The following PRKN variants were observed in gnomAD, a reference collection of about 807,000 sequenced individuals.
The protein encoded by PRKN is parkin RBR E3 ubiquitin protein ligase.
Under a neutral mutation model 59.5 loss-of-function variants are expected in PRKN, and 56 were observed. The ratio of observed to expected loss-of-function variants is 0.94; its 90% CI spans 0.76 to 1.18. PRKN has a LOEUF of 1.18. Among genes scored for constraint, PRKN ranks in the 50% most tolerant of loss-of-function variants. PRKN has a pLI of 0.00. For missense variants in PRKN, 657 were observed against 596.4 expected (o/e 1.10, Z -1.06); for synonymous variants, 250 against 222.1 (o/e 1.13, Z -1.12).
At chr6:161,781,970 G>A (rs1288948463) in intron 7 of PRKN, among the ~76,000 whole-genome samples, 2 of 152,190 alleles carry the variant, frequency 1.3e-5, no homozygotes, top group African/African-American at 4.8e-5. Flanking sequence ...AATTGCTGAT[G>A]GGCATGGAAA....
intron 2 of PRKN, among the ~76,000 whole-genome samples, chr6:162,435,920 A>G (rs775506342): frequency 5.3e-5 from 8 of 152,142 alleles, no homozygotes; most frequent in Non-Finnish European, 8.8e-5. Context: ...TCTTTTATAT[A>G]CAAACAAAAA....
chr6:161,804,731 C>T (rs114529934), intron 6 of PRKN, among the ~76,000 whole-genome samples: 4,629 of 152,318 alleles, frequency 0.03, 224 homozygotes, highest in African/African-American at 0.1. Context: ...AGTTCTGCAA[C>T]AATAATAACC....
intron 1 of PRKN, among the ~76,000 whole-genome samples, chr6:162,491,416 G>A (rs944418137): frequency 6.6e-6 from 1 of 152,164 alleles, no homozygotes; most frequent in African/African-American, 2.4e-5. Context: ...GGTCTCCAGG[G>A]CCCAGACAGA....
chr6:161,440,397 A>G lies in PRKN; in HGVS notation c.1084-53520T>C, dbSNP rs1371931457. On this transcript the variant is annotated intron_variant, in intron 9 of 11. Coordinates refer to ENST00000366898, the MANE Select transcript of PRKN (RefSeq NM_004562.3). The surrounding 1 kb of genome is among the most constrained non-coding windows in gnomAD (Gnocchi z 4.1). Reference sequence around the variant, plus strand: ...CTCTGCTAAACATCCTACAATGCAAAGAACAGTCCCCCTGACAAAGGATTA... The same window carrying G: ...CTCTGCTAAACATCCTACAATGCAAGGAACAGTCCCCCTGACAAAGGATTA... Among the ~76,000 whole-genome samples the G allele has an allele frequency of 6.6e-6, 1 of 152,206 alleles. No homozygotes were observed. Among genetic ancestry groups the G allele is most frequent in the East Asian group, 1.9e-4 (1 of 5,190 alleles).
In PRKN at chr6:161,431,125, C is replaced by T. The variant is rs545746266; in HGVS notation, c.1084-44248G>A. On this transcript the variant is annotated intron_variant, in intron 9 of 11. Coordinates refer to ENST00000366898, the MANE Select transcript of PRKN (RefSeq NM_004562.3). ...CTGCACTTCAGCCTGGGCAACAGAG[C>T]GAGACTCTGTCTCAAAAAAAAAAAA... Among the ~76,000 whole-genome samples the T allele has an allele frequency of 8.2e-5, 10 of 122,238 alleles. No individual in the cohort carries two copies. The South Asian group carries it at 1.8e-3, about 22-fold the overall frequency. The allele number at this position is 122,238 out of a possible 152,430, so 80.2% of individuals were successfully genotyped here. A position where few individuals can be genotyped will look rare whatever the true frequency, so the allele number is the denominator to read the frequency against.
chr6:162,301,707 T>C (rs889756384), intron 2 of PRKN, among the ~76,000 whole-genome samples: 1 of 145,292 alleles, frequency 6.9e-6, no homozygotes, highest in African/African-American at 2.5e-5. Context: ...TTAACATGAA[T>C]TGCCTTGGTA....
Position 162,158,080 on chromosome 6 carries a change from C to T in PRKN, c.534+43051G>A, listed in dbSNP as rs893526607. 7.2e-5 allele frequency among the ~76,000 whole-genome samples: 11 copies of T among 151,780 alleles called. 1 individual carries two copies. Among genetic ancestry groups the T allele is most frequent in the African/African-American group, 1.5e-4 (6 of 41,254 alleles). ...GAAATAGAGTATAATTGTCAGGGTG[C>T]GATAAGTTTTTGGCATATTTTCTAT... On this transcript the variant is annotated intron_variant, in intron 4 of 11. Transcript: ENST00000366898.
In PRKN at chr6:161,903,802, C is replaced by CT. The variant is rs78528519; in HGVS notation, c.734+69499dup. On this transcript the variant is annotated intron_variant, in intron 6 of 11. Transcript: ENST00000366898. Reference sequence around the variant, plus strand: ...CAGAGAACTTTCTTTTTTTCTTTTTCTTTTTTTTTTTTTAATGGTCCCTTT... The same window carrying CT: ...CAGAGAACTTTCTTTTTTTCTTTTTCTTTTTTTTTTTTTTAATGGTCCCTTT... Among the ~76,000 whole-genome samples, 543 of 143,122 alleles carry CT rather than the reference C, an allele frequency of 3.8e-3. 3 individuals carry two copies. Among genetic ancestry groups the CT allele is most frequent in the African/African-American group, 0.011 (442 of 38,588 alleles). 93.9% of individuals were successfully genotyped at this position (143,122 alleles called of 152,430 possible). A position where few individuals can be genotyped will look rare whatever the true frequency, so the allele number is the denominator to read the frequency against.
chr6:162,018,881 C>T (rs1184588226), intron 5 of PRKN, among the ~76,000 whole-genome samples: 1 of 152,102 alleles, frequency 6.6e-6, no homozygotes, highest in Non-Finnish European at 1.5e-5. Flanking sequence ...CTACACTTAG[C>T]AAGTCACCTG....
intron 7 of PRKN, among the ~76,000 whole-genome samples, chr6:161,680,726 C>CATACATATAT (rs1785285558): frequency 2.5e-4 from 13 of 51,018 alleles, no homozygotes; most frequent in Admixed American, 2.0e-3. Context: ...TCCTGAAATA[C>CATACATATAT]ATATATATAT....
intron 2 of PRKN, among the ~76,000 whole-genome samples, chr6:162,293,218 C>A (rs942579922): frequency 6.6e-6 from 1 of 152,184 alleles, no homozygotes; most frequent in Non-Finnish European, 1.5e-5. Context: ...GACTTCCCTT[C>A]TTCAGGCAGA....
chr6:161,991,768 A>T (rs1781657303), intron 5 of PRKN, among the ~76,000 whole-genome samples: 1 of 151,890 alleles, frequency 6.6e-6, no homozygotes, highest in Non-Finnish European at 1.5e-5. Context: ...GCTTGAACCC[A>T]GGAGGTGGAG....
At chr6:161,670,388 C>T (rs912722861) in intron 7 of PRKN, among the ~76,000 whole-genome samples, 1 of 152,162 alleles carries the variant, frequency 6.6e-6, no homozygotes, top group African/African-American at 2.4e-5. Context: ...TCTGTTCCAC[C>T]TTCTCTTGTG....
intron 7 of PRKN, among the ~76,000 whole-genome samples, chr6:161,631,049 C>T (rs899945527): frequency 3.3e-5 from 5 of 152,216 alleles, no homozygotes; most frequent in Admixed American, 6.5e-5. Context: ...CTCCTGCTAC[C>T]CTCTTGGAAC....
chr6:161,981,950 C>A (rs542837385), intron 5 of PRKN, among the ~76,000 whole-genome samples: 16 of 152,282 alleles, frequency 1.1e-4, no homozygotes, highest in Non-Finnish European at 1.6e-4. Context: ...AATCAATATA[C>A]TCCACACAAA....
intron 6 of PRKN, among the ~76,000 whole-genome samples, chr6:161,812,148 A>C (rs910179358): frequency 2.0e-5 from 3 of 152,072 alleles, no homozygotes; most frequent in Non-Finnish European, 4.4e-5. Context: ...GTGCTTTGGG[A>C]AGCTGAGACG....
rs1790149096 is a variant in PRKN at position 161,460,398 on chromosome 6, G to T, written c.1084-73521C>A. ...AGTCTCAGGCCCAAATATCCATTTA[G>T]GATCTCTGGAATATAATGGGCTATA... On this transcript the variant is annotated intron_variant, in intron 9 of 11. Coordinates refer to ENST00000366898, the MANE Select transcript of PRKN (RefSeq NM_004562.3). This position sits in a 1 kb window ranked among gnomAD's most constrained non-coding sequence, Gnocchi z 5.0. 6.6e-6 allele frequency among the ~76,000 whole-genome samples: 1 copy of T among 152,104 alleles called. No homozygotes were observed. Among genetic ancestry groups the T allele is most frequent in the Non-Finnish European group, 1.5e-5 (1 of 68,026 alleles).
intron 4 of PRKN, among the ~76,000 whole-genome samples, chr6:162,086,337 A>G (rs1779246075): frequency 1.3e-5 from 2 of 152,112 alleles, no homozygotes; most frequent in African/African-American, 4.8e-5. Context: ...AGCAAAGAAG[A>G]CTAGGAATAT....
At position 161,660,930 on chromosome 6, in the gene PRKN, C is replaced by A. The variant is rs556791915; in HGVS notation, c.872-91514G>T. 4.6e-5 allele frequency among the ~76,000 whole-genome samples: 7 copies of A among 152,240 alleles called. No homozygotes were observed. The East Asian group carries it at 1.2e-3, about 25-fold the overall frequency. On this transcript the variant is annotated intron_variant, in intron 7 of 11. Transcript: ENST00000366898. ...CTCAGTAAGTGGACACCCAGTCTTCCGTGACTCAGGCCGAGTCCCACGGTG... is the reference window on the plus strand; with the variant it reads ...CTCAGTAAGTGGACACCCAGTCTTCAGTGACTCAGGCCGAGTCCCACGGTG...
Sources: gnomAD v4.1 joint callset for allele counts (sites outside exome capture counted in the v4.1 genomes callset) on GRCh38, gnomAD v4.1.1 for gene constraint, Gnocchi (gnomAD v3.1) non-coding constraint, MANE v1.5 for transcripts, NCBI Gene and HGNC (gene_info 2026-07-23, HGNC 2026-07-21) for gene names.